Variants in RNF213 observed in about 807,000 individuals in gnomAD.
RNF213 encodes the protein E3 ubiquitin-protein ligase RNF213.
Under a neutral mutation model 514.4 loss-of-function variants are expected in RNF213, and 341 were observed. That is an observed-to-expected ratio of 0.66 (90% confidence interval 0.61 to 0.73). RNF213 has a LOEUF of 0.73. Ranked by LOEUF, RNF213 falls within the 30% of genes least tolerant of loss-of-function variation. The pLI is 0.00. For missense variants in RNF213, 5,767 were observed against 6,615.6 expected, an observed-to-expected ratio of 0.87 and a Z score of 4.45; for synonymous variants, 2,655 against 2,658.2, an observed-to-expected ratio of 1.00 and a Z score of 0.04.
intron 2 of RNF213, among the ~76,000 whole-genome samples, 162 bp from the exon 3 acceptor site, chr17:80,273,079 G>A (rs1278103371): frequency 1.3e-5 from 2 of 152,046 alleles, no homozygotes; most frequent in Non-Finnish European, 2.9e-5. Context: ...CTACCCACCT[G>A]GAGCAGAACC....
At chr17:80,273,453 G>GA in intron 3 of RNF213, 49 bp downstream of exon 3, 2 of 1,607,048 alleles carry the variant, frequency 1.2e-6, no homozygotes, top group South Asian at 1.1e-5. Context: ...CTCTGCCCAG[G>GA]AAAATCTCAC....
In RNF213 at chr17:80,263,464, A is replaced by G. The variant is rs1349495060; in HGVS notation, c.-108-110A>G. 1.0e-5 allele frequency: 5 copies of G among 498,490 alleles called. No individual in the cohort carries two copies. The highest frequency in any genetic ancestry group is 5.9e-5 in the African/African-American group (3 of 50,922). 30.9% of individuals were successfully genotyped at this position (498,490 alleles called of 1,614,324 possible). A position where few individuals can be genotyped will look rare whatever the true frequency, so the allele number is the denominator to read the frequency against. ...CCAGGGCAGAGACTGCAAAAGCTTG[A>G]GAGCCAAGGGGGCAGCACAGAGCGG... On this transcript the variant is annotated intron_variant, in intron 1 of 67. Coordinates refer to ENST00000582970, the MANE Select transcript of RNF213 (RefSeq NM_001256071.3). The surrounding 1 kb of genome is among the most constrained non-coding windows in gnomAD (Gnocchi z 4.9).
intron 61 of RNF213, 64 bp downstream of exon 61, chr17:80,385,685 G>A (rs546594363): frequency 5.4e-5 from 77 of 1,418,022 alleles, no homozygotes; most frequent in Admixed American, 4.0e-4. Context: ...AGCTCTTCTC[G>A]TCAGCCTGAC....
chr17:80,267,894 A>T (rs2043663147), intron 2 of RNF213, among the ~76,000 whole-genome samples: 1 of 150,046 alleles, frequency 6.7e-6, no homozygotes, highest in Non-Finnish European at 1.5e-5. Context: ...TCCTCAGCTC[A>T]CTGCAACCTC....
rs541326791 is a variant in RNF213 at position 80,349,037 on chromosome 17, C to A, written c.9952-733C>A. Among the ~76,000 whole-genome samples, 5 of 152,186 alleles carry A rather than the reference C, an allele frequency of 3.3e-5. No individual in the cohort carries two copies. The South Asian group carries it at 1.0e-3, about 32-fold the overall frequency. On this transcript the variant is annotated intron_variant, in intron 29 of 67. Coordinates refer to ENST00000582970, the MANE Select transcript of RNF213 (RefSeq NM_001256071.3). The stretch of plus-strand genomic sequence containing the variant: ...GCTGGAACCGTACAAAGGAGAGGAG[C>A]AGATGGAACCGAGAGATACTCAGGA...
In RNF213 at chr17:80,373,083, G is replaced by A. The variant is rs200034624; in HGVS notation, c.12860G>A (p.Arg4287Gln). 146 of 1,613,720 alleles carry A rather than the reference G, an allele frequency of 9.0e-5. 1 individual carries two copies. Among genetic ancestry groups the A allele is most frequent in the African/African-American group, 2.3e-4 (17 of 74,860 alleles). The part of the protein sequence containing the change: ...VYLVRKLSSQ[R>Q]GMEFVQGLSK... The stretch of plus-strand genomic sequence containing the variant: ...CTGGTGCGGAAGCTCAGCAGCCAGC[G>A]GGGGATGGAGTTCGTGCAGGGCCTC... The change falls in exon 49 of 68, where the codon CGG becomes CAG. Residue 4287 changes from arginine (R) to glutamine (Q), a missense_variant. Transcript: ENST00000582970.
rs1489321009 is a variant in RNF213, at chr17:80,332,489, A to G, written c.4001A>G (p.Asp1334Gly). 1.6e-5 allele frequency: 25 copies of G among 1,537,062 alleles called. No individual in the cohort carries two copies. The highest frequency in any genetic ancestry group is 2.1e-5 in the Non-Finnish European group (24 of 1,146,860). Residue 1334 changes from aspartate to glycine, a missense_variant, in exon 21 of 68, where the codon GAT becomes GGT. This residue lies in a region of RNF213 where 516 missense variants were observed against 566.5 expected (regional missense o/e 0.91). Coordinates refer to ENST00000582970, the MANE Select transcript of RNF213 (RefSeq NM_001256071.3). The stretch of plus-strand genomic sequence containing the variant: ...ACCGTGGACCACCAGGACCAAAGAG[A>G]TTGGATCAAGGACCGAGTCGAACAG... ...MCTVDHQDQR[D>G]WIKDRVEQIK...
chr17:80,380,856 G>A lies in RNF213; in HGVS notation c.13666G>A (p.Gly4556Ser), dbSNP rs761366309. Residue 4556 changes from glycine to serine, a missense_variant, in exon 56 of 68, where the codon GGC becomes AGC. Around this residue, in one of 13 missense-constraint regions of RNF213, gnomAD observed 1,245 missense variants for 1,339.0 expected, o/e 0.93. Coordinates refer to ENST00000582970, the MANE Select transcript of RNF213 (RefSeq NM_001256071.3). ...VKDKADRTQT[G>S]HVLGNPQRRD... The stretch of plus-strand genomic sequence containing the variant: ...AGACAAGGCAGACAGAACGCAGACC[G>A]GCCACGTGCTGGGCAACCCGCAGCG... 9 of 1,614,088 alleles carry A rather than the reference G, an allele frequency of 5.6e-6. No individual in the cohort carries two copies. Among genetic ancestry groups the A allele is most frequent in the Non-Finnish European group, 6.8e-6 (8 of 1,180,042 alleles).
intron 38 of RNF213, 73 bp from the exon 39 acceptor site, chr17:80,361,661 G>T: frequency 6.4e-7 from 1 of 1,573,054 alleles, no homozygotes; most frequent in South Asian, 1.1e-5. Context: ...CCTTCACTCC[G>T]GAGCCCCCTG....
At chr17:80,298,972 C>CT (rs1568031806) in intron 11 of RNF213, among the ~76,000 whole-genome samples, 1 of 152,004 alleles carries the variant, frequency 6.6e-6, no homozygotes. Flanking sequence ...GAGCGAGACT[C>CT]TGTCTAAAAC....
At chr17:80,287,540 C>T (rs1268538306) in intron 3 of RNF213, among the ~76,000 whole-genome samples, 1 of 152,220 alleles carries the variant, frequency 6.6e-6, no homozygotes, top group African/African-American at 2.4e-5. Flanking sequence ...CAGTGGATGT[C>T]CAATAAGCAG....
In RNF213 at chr17:80,288,864, G is replaced by C. The variant is rs192962862; in HGVS notation, c.933+109G>C. On this transcript the variant is annotated intron_variant, in intron 5 of 67. Transcript: ENST00000582970. This position sits in a 1 kb window ranked among gnomAD's most constrained non-coding sequence, Gnocchi z 4.9. ...ATTTAAGTGCTGGGGATATAGCCAT[G>C]ATTCAGACAAAGCTCTGGCCTTCGG... is the stretch of plus-strand genomic sequence containing the variant. The C allele has an allele frequency of 3.5e-4, 553 of 1,576,698 alleles. 3 individuals carry two copies. Among genetic ancestry groups the C allele is most frequent in the Non-Finnish European group, 3.2e-5 (37 of 1,154,486 alleles).
chr17:80,368,655 A>C (rs1038945852), intron 44 of RNF213, among the ~76,000 whole-genome samples: 1 of 151,958 alleles, frequency 6.6e-6, no homozygotes, highest in African/African-American at 2.4e-5. Flanking sequence ...CTGGTCTCGA[A>C]CTCCTGACCT....
rs2080234623 is a variant in RNF213 at position 80,386,345 on chromosome 17, T to TGA, written c.14636_14637insAG (p.Cys4879Ter). ...LLPRRRGLGL[C>*]ATALVSYLIR... ...GCCACGCCGACGGGGCCTGGGCCTC[T>TGA]GTGCTACCGCTCTCGTCAGCTACTT... Residue 4879 changes from cysteine (C) to a stop codon, truncating the protein, a stop_gained and frameshift_variant, in exon 62 of 68, where the codon TGT becomes TGAGT. Transcript: ENST00000582970. LOFTEE classifies it high-confidence loss of function. The TGA allele has an allele frequency of 6.2e-7, 1 of 1,614,062 alleles. No individual in the cohort carries two copies. The highest frequency in any genetic ancestry group is 1.7e-5 in the Admixed American group (1 of 60,008).
intron 28 of RNF213, 61 bp downstream of exon 28, chr17:80,344,076 C>A (rs1376759817): frequency 3.2e-6 from 5 of 1,573,544 alleles, no homozygotes; most frequent in Admixed American, 3.6e-5. Flanking sequence ...TCTGGTCTTA[C>A]TGAAGTGGAA....
chr17:80,351,753 C>T lies in RNF213; in HGVS notation c.10253C>T (p.Thr3418Ile). ...GACCGTATCTTCGTCTATTTCATCA[C>T]AAAACTGTCCCGGGTGGGAAGAGGA... The part of the protein sequence containing the change: ...NEDRIFVYFI[T>I]KLSRVGRGTA... The change falls in exon 32 of 68, where the codon ACA (threonine) becomes ATA (isoleucine). Residue 3418 changes from threonine (T) to isoleucine (I), a missense_variant. Physicochemically the swap from Thr to Ile is moderately conservative, Grantham distance 89 (BLOSUM62 -1). Coordinates refer to ENST00000582970, the MANE Select transcript of RNF213 (RefSeq NM_001256071.3). 1 of 1,613,144 alleles carries T rather than the reference C, an allele frequency of 6.2e-7. No individual in the cohort carries two copies. The highest frequency in any genetic ancestry group is 8.5e-7 in the Non-Finnish European group (1 of 1,179,218).
intron 5 of RNF213, among the ~76,000 whole-genome samples, chr17:80,289,266 C>T (rs551105333): frequency 1.3e-5 from 2 of 152,172 alleles, no homozygotes; most frequent in Admixed American, 6.5e-5. Flanking sequence ...ACATTCTGGC[C>T]GCTGTAAGAA....
At chr17:80,281,336 C>T (rs1231063260) in intron 3 of RNF213, among the ~76,000 whole-genome samples, 1 of 83,914 alleles carries the variant, frequency 1.2e-5, no homozygotes, top group Non-Finnish European at 2.7e-5. Context: ...TCACACACGC[C>T]CCCACACACA....
At chr17:80,352,386 G>A (rs1002430975) in intron 32 of RNF213, 10 of 277,728 alleles carry the variant, frequency 3.6e-5, no homozygotes, top group Admixed American at 9.7e-5. Context: ...GTCACACGGC[G>A]TGGAGACTCC....
Sources: allele counts gnomAD v4.1 joint callset (sites outside exome capture counted in the v4.1 genomes callset), GRCh38; gene constraint gnomAD v4.1.1; regional missense constraint gnomAD v4.1.1; non-coding constraint Gnocchi (gnomAD v3.1); transcripts MANE v1.5; gene names NCBI Gene and HGNC (gene_info 2026-07-23, HGNC 2026-07-21).